The following DZIP1 variants were observed in gnomAD, a reference collection of about 807,000 sequenced individuals.
DZIP1 encodes the protein DAZ interacting zinc finger protein 1.
Under a neutral mutation model 107.6 loss-of-function variants are expected in DZIP1, and 97 were observed. The observed-to-expected ratio is 0.90, with a 90% CI of 0.77 to 1.07. The LOEUF (loss-of-function observed/expected upper bound fraction) is 1.07. Among genes scored for constraint, DZIP1 ranks in the 50% least tolerant of loss-of-function variants. DZIP1 has a pLI of 0.00. For missense variants in DZIP1, 1,035 were observed against 1,063.6 expected, an observed-to-expected ratio of 0.97 and a Z score of 0.37; for synonymous variants, 390 against 386.4, an observed-to-expected ratio of 1.01 and a Z score of -0.11.
intron 13 of DZIP1, among the ~76,000 whole-genome samples, chr13:95,607,562 A>G (rs943118193): frequency 2.6e-5 from 4 of 152,168 alleles, no homozygotes; most frequent in Non-Finnish European, 5.9e-5. Flanking sequence ...AAGCTCCTTC[A>G]CTTACGTGTT....
intron 13 of DZIP1, among the ~76,000 whole-genome samples, chr13:95,607,908 T>C (rs945078810): frequency 7.9e-5 from 12 of 152,364 alleles, no homozygotes; most frequent in African/African-American, 2.9e-4. Flanking sequence ...TGCTTTATAT[T>C]AGACATTACA....
chr13:95,642,079 C>G lies in DZIP1; in HGVS notation c.-50G>C. On this transcript the variant is annotated 5_prime_UTR_variant, in exon 4 of 23. Coordinates refer to ENST00000376829, the MANE Select transcript of DZIP1 (RefSeq NM_198968.4). ...CAGCCTGGGCCGCCTCCCGGGCCGC[C>G]GCCGCCACAGCCCTCAGGAGCGGGA... 3 of 1,486,350 alleles carry G rather than the reference C, an allele frequency of 2.0e-6. No homozygotes were observed. Among genetic ancestry groups the G allele is most frequent in the Non-Finnish European group, 2.7e-6 (3 of 1,127,870 alleles). The allele number at this position is 1,486,350 out of a possible 1,614,324, so 92.1% of individuals were successfully genotyped here. A position where few individuals can be genotyped will look rare whatever the true frequency, so the allele number is the denominator to read the frequency against.
In DZIP1 at chr13:95,586,108, T is replaced by C. The variant is rs181395665; in HGVS notation, c.2247A>G (p.Lys749=). The C allele has an allele frequency of 2.1e-5, 34 of 1,611,188 alleles. No individual in the cohort carries two copies. The East Asian group carries it at 6.9e-4, about 33-fold the overall frequency. ...AGVAVKTPTE[K]VEKMFPHRKN... ...TGCGATGTGGAAACATCTTTTCAACTTTTTCAGTAGGTGTTTTAACGGCGA... is the reference window on the plus strand; with the variant it reads ...TGCGATGTGGAAACATCTTTTCAACCTTTTCAGTAGGTGTTTTAACGGCGA... The change falls in exon 21 of 23, where the codon AAA becomes AAG. Residue 749 remains lysine (K), a synonymous_variant. Transcript: ENST00000376829.
At chr13:95,606,379 T>C (rs1594680843) in intron 13 of DZIP1, among the ~76,000 whole-genome samples, 1 of 77,964 alleles carries the variant, frequency 1.3e-5, no homozygotes, top group Non-Finnish European at 2.4e-5. Flanking sequence ...CCCATACCCA[T>C]CACACCTCAT....
Position 95,619,949 on chromosome 13 carries a change from T to C in DZIP1, c.1111-2A>G. Reference sequence around the variant, plus strand: ...AACTCGAGCTGTCCATTTGCTTTCCTACAAAAGAATAAAAGAATAATTTAT... The same window carrying C: ...AACTCGAGCTGTCCATTTGCTTTCCCACAAAAGAATAAAAGAATAATTTAT... On this transcript the variant is annotated splice_acceptor_variant, in intron 9 of 22. Transcript: ENST00000376829. LOFTEE classifies it high-confidence loss of function. 3 of 1,613,496 alleles carry C rather than the reference T, an allele frequency of 1.9e-6. No homozygotes were observed. Among genetic ancestry groups the C allele is most frequent in the Non-Finnish European group, 2.5e-6 (3 of 1,179,810 alleles).
chr13:95,621,862 C>T (rs571086085), intron 9 of DZIP1, among the ~76,000 whole-genome samples: 2 of 151,938 alleles, frequency 1.3e-5, no homozygotes, highest in Non-Finnish European at 2.9e-5. Context: ...GGATTACAGG[C>T]ATCTGCTACC....
At chr13:95,622,522 C>G in intron 8 of DZIP1, 42 bp from the exon 9 acceptor site, 1 of 1,610,746 alleles carries the variant, frequency 6.2e-7, no homozygotes. Context: ...GTTAGACTTT[C>G]ATAAGATGGA....
At chr13:95,618,209 C>T (rs974478218) in intron 10 of DZIP1, among the ~76,000 whole-genome samples, 6 of 152,202 alleles carry the variant, frequency 3.9e-5, no homozygotes, top group Non-Finnish European at 7.3e-5. Flanking sequence ...TGTAGCCTCA[C>T]TCCTACTCCC....
intron 20 of DZIP1, 92 bp downstream of exon 20, chr13:95,587,447 T>C (rs1416567384): frequency 6.6e-7 from 1 of 1,521,602 alleles, no homozygotes; most frequent in Admixed American, 1.9e-5. Flanking sequence ...TTGCACACCC[T>C]CCCAGCTCAG....
At chr13:95,594,140 A>C (rs1566369265) in intron 15 of DZIP1, 54 bp from the exon 16 acceptor site, 4 of 1,442,922 alleles carry the variant, frequency 2.8e-6, no homozygotes, top group Middle Eastern at 1.8e-4. Flanking sequence ...AATACATCAA[A>C]AATCTCTAAG....
At chr13:95,640,221 A>G (rs1878336154) in intron 5 of DZIP1, among the ~76,000 whole-genome samples, 1 of 151,888 alleles carries the variant, frequency 6.6e-6, no homozygotes. Context: ...TCGGGTCTCA[A>G]TCTCCTGACC....
At chr13:95,627,209 A>G (rs772168402) in intron 7 of DZIP1, among the ~76,000 whole-genome samples, 2 of 152,232 alleles carry the variant, frequency 1.3e-5, no homozygotes, top group African/African-American at 2.4e-5. Flanking sequence ...AAACCCAAAC[A>G]TCTATGGTCA....
chr13:95,602,128 C>T (rs1403915001), intron 14 of DZIP1, among the ~76,000 whole-genome samples: 1 of 152,188 alleles, frequency 6.6e-6, no homozygotes, highest in Non-Finnish European at 1.5e-5. Context: ...CAGCTGCAGC[C>T]TGGCACTCAA....
chr13:95,634,101 CT>C (rs2139406388), intron 5 of DZIP1, among the ~76,000 whole-genome samples: 1 of 152,296 alleles, frequency 6.6e-6, no homozygotes, highest in South Asian at 2.1e-4. Flanking sequence ...CAACCTGCCC[CT>C]GCCACTCCAG....
At chr13:95,596,941 AGTCACT>A (rs1040912381) in intron 15 of DZIP1, among the ~76,000 whole-genome samples, 9 of 152,332 alleles carry the variant, frequency 5.9e-5, no homozygotes, top group African/African-American at 2.2e-4. Context: ...GGAAGGAGGC[AGTCACT>A]GGTTTCTGCA....
At chr13:95,627,983 A>G (rs1876748321) in intron 7 of DZIP1, among the ~76,000 whole-genome samples, 1 of 152,218 alleles carries the variant, frequency 6.6e-6, no homozygotes, top group African/African-American at 2.4e-5. Context: ...ACATGTTACA[A>G]CTTAGATGAA....
Position 95,589,161 on chromosome 13 carries a change from T to A in DZIP1, c.2020A>T (p.Thr674Ser). 1.2e-6 allele frequency: 2 copies of A among 1,607,186 alleles called. No homozygotes were observed. The highest frequency in any genetic ancestry group is 4.5e-5 in the East Asian group (2 of 44,744). The change falls in exon 19 of 23, where the codon ACT (threonine) becomes TCT (serine). Residue 674 changes from threonine to serine, a missense_variant. Thr to Ser is a moderately conservative substitution (Grantham distance 58). Coordinates refer to ENST00000376829, the MANE Select transcript of DZIP1 (RefSeq NM_198968.4). ...ATCCCTGTCAATACTCACGTAATAG[T>A]TGAAGACTTTCTGGGAAAAGGATCT... The part of the protein sequence containing the change: ...MEDPFPRKSS[T>S]ITTPPFSSEE...
chr13:95,602,680 C>T (rs2044650785), intron 14 of DZIP1, among the ~76,000 whole-genome samples: 1 of 152,224 alleles, frequency 6.6e-6, no homozygotes, highest in Admixed American at 6.5e-5. Flanking sequence ...GATGTATGTC[C>T]AGGAGATCCT....
chr13:95,641,922 G>A lies in DZIP1; in HGVS notation c.37-67C>T. ...GGGGGCGGGCAGGCTGGGGAGCTGG[G>A]GGTCCGGGGAAGCCCCGGTTCTCCC... On this transcript the variant is annotated intron_variant, in intron 4 of 22. Transcript: ENST00000376829. The surrounding 1 kb of genome is among the most constrained non-coding windows in gnomAD (Gnocchi z 4.3). 6.8e-7 allele frequency: 1 copy of A among 1,477,654 alleles called. No individual in the cohort carries two copies. Among genetic ancestry groups the A allele is most frequent in the African/African-American group, 1.5e-5 (1 of 67,702 alleles). 91.5% of individuals were successfully genotyped at this position (1,477,654 alleles called of 1,614,324 possible). A position where few individuals can be genotyped will look rare whatever the true frequency, so the allele number is the denominator to read the frequency against.
Sources: allele counts gnomAD v4.1 joint callset (sites outside exome capture counted in the v4.1 genomes callset), GRCh38; gene constraint gnomAD v4.1.1; non-coding constraint Gnocchi (gnomAD v3.1); transcripts MANE v1.5; gene names NCBI Gene and HGNC (gene_info 2026-07-23, HGNC 2026-07-21).